DST: variants seen among roughly 807,000 people sequenced by gnomAD.
DST encodes the protein bullous pemphigoid antigen.
A neutral mutation model predicts 875.2 loss-of-function variants in DST; 253 were observed. That is an observed-to-expected ratio of 0.29 (90% CI 0.26 to 0.32). The LOEUF is 0.32. DST is among the 10% of genes least tolerant of loss of function. The pLI is 1.00. For missense variants in DST, 8,287 were observed against 9,111.6 expected, an observed-to-expected ratio of 0.91 and a Z score of 3.68; for synonymous variants, 3,124 against 3,197.1, an observed-to-expected ratio of 0.98 and a Z score of 0.77.
At chr6:56,742,531 G>T (rs886146083) in intron 4 of DST, 3 of 354,566 alleles carry the variant, frequency 8.5e-6, no homozygotes, top group African/African-American at 2.1e-5. Context: ...TTTTTGTAGG[G>T]GATATATACA....
chr6:56,592,465 C>T (rs1282409101), intron 48 of DST, 107 bp from the exon 49 acceptor site: 2 of 937,868 alleles, frequency 2.1e-6, no homozygotes, highest in Non-Finnish European at 3.1e-6. Context: ...AAAAACCAGA[C>T]TTCCACCAAA....
intron 9 of DST, among the ~76,000 whole-genome samples, chr6:56,685,637 T>C (rs1753365412): frequency 1.3e-5 from 2 of 152,114 alleles, no homozygotes; most frequent in African/African-American, 4.8e-5. Context: ...CCAGGCGTGG[T>C]GGTGGATGTC....
intron 61 of DST, among the ~76,000 whole-genome samples, chr6:56,542,190 G>GT (rs2097138289): frequency 6.6e-6 from 1 of 151,554 alleles, no homozygotes; most frequent in Non-Finnish European, 1.5e-5. Context: ...AATAAGTTAA[G>GT]TCTAACGTTA....
intron 4 of DST, among the ~76,000 whole-genome samples, chr6:56,755,984 G>A (rs1045831454): frequency 9.2e-5 from 14 of 152,192 alleles, no homozygotes; most frequent in African/African-American, 2.9e-4. Context: ...CACTTCCAGC[G>A]ATGACAGCAG....
At chr6:56,497,548 G>T (rs755335097) in intron 81 of DST, 41 bp from the exon 82 acceptor site, 15 of 1,601,084 alleles carry the variant, frequency 9.4e-6, no homozygotes, top group Non-Finnish European at 1.2e-5. Flanking sequence ...CATAAACACT[G>T]TCAGTTTCAA....
chr6:56,904,925 G>C (rs1028550786), intron 2 of DST, among the ~76,000 whole-genome samples: 1 of 152,178 alleles, frequency 6.6e-6, no homozygotes, highest in African/African-American at 2.4e-5. Context: ...GAGTAGCTGG[G>C]ATTACAAGCA....
intron 82 of DST, among the ~76,000 whole-genome samples, chr6:56,496,306 C>T (rs910320883): frequency 6.6e-6 from 1 of 151,986 alleles, no homozygotes; most frequent in Admixed American, 6.6e-5. Flanking sequence ...ATCATTTTTT[C>T]CTCATCTTTC....
chr6:56,495,414 G>A lies in DST; in HGVS notation c.20224-1234C>T, dbSNP rs138702509. Among the ~76,000 whole-genome samples the A allele has an allele frequency of 4.1e-3, 617 of 151,950 alleles. 3 individuals are homozygous for A. The highest frequency in any genetic ancestry group is 0.014 in the African/African-American group (592 of 41,498). On this transcript the variant is annotated intron_variant, in intron 82 of 103. Transcript: ENST00000680361. ...CGCCCAAACTCAGTTCGCTGAAATG[G>A]AATATTTTCTAAAAGTAAAGTATTC...
At chr6:56,545,624 T>C (rs914583487) in intron 61 of DST, among the ~76,000 whole-genome samples, 9 of 152,154 alleles carry the variant, frequency 5.9e-5, no homozygotes, top group African/African-American at 2.2e-4. Flanking sequence ...ATGTACATCA[T>C]AGAAAAGTTT....
intron 4 of DST, among the ~76,000 whole-genome samples, chr6:56,748,795 A>T (rs2099579502): frequency 6.6e-6 from 1 of 152,166 alleles, no homozygotes; most frequent in Non-Finnish European, 1.5e-5. Flanking sequence ...ATATTCTAAT[A>T]CCTTTTCCAC....
chr6:56,699,232 T>A (rs2099279843), intron 9 of DST, among the ~76,000 whole-genome samples: 1 of 152,208 alleles, frequency 6.6e-6, no homozygotes, highest in South Asian at 2.1e-4. Flanking sequence ...CATCTCTTTA[T>A]AATTATGCTG....
chr6:56,686,573 C>G (rs2152851350), intron 9 of DST, among the ~76,000 whole-genome samples: 1 of 152,174 alleles, frequency 6.6e-6, no homozygotes, highest in Admixed American at 6.5e-5. Flanking sequence ...AAGTTTTAAG[C>G]TAACTATGGA....
At chr6:56,482,004 T>A in intron 90 of DST, 46 bp downstream of exon 90, 1 of 1,587,896 alleles carries the variant, frequency 6.3e-7, no homozygotes, top group East Asian at 2.3e-5. Flanking sequence ...TTTTCCCTGC[T>A]TTGATTTTCT....
intron 36 of DST, 179 bp from the exon 37 acceptor site, chr6:56,614,663 A>C (rs2098594954): frequency 8.1e-7 from 1 of 1,232,934 alleles, no homozygotes. Context: ...GCACCTCCAA[A>C]ATGTTTATGG....
At chr6:56,640,103 TA>T (rs1180479840) in intron 18 of DST, 39 bp downstream of exon 18, 1 of 1,613,598 alleles carries the variant, frequency 6.2e-7, no homozygotes, top group Admixed American at 1.7e-5. Context: ...TTGATAACAA[TA>T]AAGACTGAAA....
intron 71 of DST, among the ~76,000 whole-genome samples, 185 bp from the exon 72 acceptor site, chr6:56,515,853 A>G (rs1459146760): frequency 6.6e-6 from 1 of 152,118 alleles, no homozygotes; most frequent in Non-Finnish European, 1.5e-5. Context: ...ACTTTAAATT[A>G]AAGTGCCTCA....
In DST at chr6:56,578,837, T is replaced by C. The variant is rs768473686; in HGVS notation, c.13004A>G (p.Lys4335Arg). ...ACCAAGTGTTTTCTGGATATCATTCTTGGCTGGAAGTAAAGATCCCCTGGC... is the reference window on the plus strand; with the variant it reads ...ACCAAGTGTTTTCTGGATATCATTCCTGGCTGGAAGTAAAGATCCCCTGGC... ...LDARGSLLPA[K>R]NDIQKTLDDI... Residue 4335 changes from lysine to arginine, a missense_variant, in exon 50 of 104, where the codon AAG becomes AGG. Around this residue, in one of 10 missense-constraint regions of DST, gnomAD observed 1,513 missense variants for 1,677.8 expected, o/e 0.90. Transcript: ENST00000680361. The C allele has an allele frequency of 6.2e-7, 1 of 1,612,080 alleles. No homozygotes were observed. The highest frequency in any genetic ancestry group is 1.3e-5 in the African/African-American group (1 of 74,890).
intron 4 of DST, among the ~76,000 whole-genome samples, chr6:56,808,331 T>C (rs2099755677): frequency 6.6e-6 from 1 of 152,124 alleles, no homozygotes; most frequent in African/African-American, 2.4e-5. Context: ...GAATCGTTTA[T>C]ATTTGCTATT....
chr6:56,648,834 C>T, intron 12 of DST, 145 bp from the exon 13 acceptor site: 2 of 693,354 alleles, frequency 2.9e-6, no homozygotes, highest in Non-Finnish European at 4.6e-6. Flanking sequence ...TACTTTCACC[C>T]AGCCCCAATC....
Sources: allele counts gnomAD v4.1 joint callset (sites outside exome capture counted in the v4.1 genomes callset), GRCh38; gene constraint gnomAD v4.1.1; regional missense constraint gnomAD v4.1.1; transcripts MANE v1.5; gene names NCBI Gene and HGNC (gene_info 2026-07-23, HGNC 2026-07-21).